Variants in COG5 observed in about 807,000 individuals in gnomAD.
The protein encoded by COG5 is component of oligomeric golgi complex 5.
A neutral mutation model predicts 110.4 loss-of-function variants in COG5; 86 were observed. The observed-to-expected ratio is 0.78, with a 90% CI of 0.65 to 0.93. The LOEUF is 0.93. Among genes scored for constraint, COG5 ranks in the 40% least tolerant of loss-of-function variants. The pLI is 0.00. For missense variants in COG5, 1,077 were observed against 987.0 expected (o/e 1.09, Z -1.22); for synonymous variants, 360 against 334.6 (o/e 1.08, Z -0.83).
intron 2 of COG5, 54 bp from the exon 3 acceptor site, chr7:107,554,396 TAACC>T: frequency 6.8e-7 from 1 of 1,468,328 alleles, no homozygotes; most frequent in Non-Finnish European, 9.5e-7. Flanking sequence ...TTCTTCCTTG[TAACC>T]ACAATGTAGA....
chr7:107,314,573 T>C (rs1263309192), intron 11 of COG5, among the ~76,000 whole-genome samples: 2 of 130,138 alleles, frequency 1.5e-5, no homozygotes, highest in South Asian at 2.5e-4. Flanking sequence ...TGAAACCCCA[T>C]CTCTACTACA....
In COG5 at chr7:107,201,603, A is replaced by G; in HGVS notation, c.*1913T>C. The G allele has an allele frequency of 2.2e-6, 1 of 451,698 alleles. No homozygotes were observed. Among genetic ancestry groups the G allele is most frequent in the Non-Finnish European group, 4.0e-6 (1 of 247,160 alleles). 28.0% of individuals were successfully genotyped at this position (451,698 alleles called of 1,614,324 possible). ...ATATGAGTGAGGATTTGCTTTCTCCATTAGAGCATTAAGCTAAAACTATCA... is the reference window on the plus strand; with the variant it reads ...ATATGAGTGAGGATTTGCTTTCTCCGTTAGAGCATTAAGCTAAAACTATCA... On this transcript the variant is annotated 3_prime_UTR_variant, in exon 22 of 22. Transcript: ENST00000297135.
At chr7:107,287,710 G>C (rs1223918474) in intron 12 of COG5, among the ~76,000 whole-genome samples, 1 of 151,980 alleles carries the variant, frequency 6.6e-6, no homozygotes, top group Non-Finnish European at 1.5e-5. Flanking sequence ...TGCTATTCTG[G>C]ATTTGCATAT....
intron 6 of COG5, among the ~76,000 whole-genome samples, chr7:107,523,575 G>A (rs1175517604): frequency 1.3e-5 from 2 of 152,070 alleles, no homozygotes; most frequent in African/African-American, 4.8e-5. Flanking sequence ...AGCACTTTGG[G>A]AGGCCGAGAA....
At chr7:107,512,459 T>C (rs1034193376) in intron 6 of COG5, among the ~76,000 whole-genome samples, 31 of 152,164 alleles carry the variant, frequency 2.0e-4, no homozygotes, top group Non-Finnish European at 4.4e-4. Flanking sequence ...ATCGTGAAAA[T>C]GGCCATACTG....
At chr7:107,214,005 A>G (rs1562914748) in intron 19 of COG5, among the ~76,000 whole-genome samples, 1 of 152,214 alleles carries the variant, frequency 6.6e-6, no homozygotes, top group Non-Finnish European at 1.5e-5. Context: ...GAATATAAAA[A>G]TAAAAAGTTA....
chr7:107,289,473 A>C (rs1246730620), intron 12 of COG5, among the ~76,000 whole-genome samples: 1 of 151,936 alleles, frequency 6.6e-6, no homozygotes, highest in Non-Finnish European at 1.5e-5. Flanking sequence ...TGTTTTAACT[A>C]TTCTGGGTCC....
chr7:107,307,690 A>G (rs1195323950), intron 11 of COG5, among the ~76,000 whole-genome samples: 4 of 152,170 alleles, frequency 2.6e-5, no homozygotes, highest in Non-Finnish European at 4.4e-5. Context: ...GTTCTCACTT[A>G]TAAGTGGGAG....
At chr7:107,304,970 C>A (rs1003224478) in intron 11 of COG5, among the ~76,000 whole-genome samples, 1 of 152,032 alleles carries the variant, frequency 6.6e-6, no homozygotes, top group African/African-American at 2.4e-5. Flanking sequence ...AGATTATACT[C>A]GAGTGAAGAA....
intron 14 of COG5, among the ~76,000 whole-genome samples, chr7:107,268,227 C>G (rs1366018973): frequency 6.6e-6 from 1 of 152,158 alleles, no homozygotes; most frequent in Non-Finnish European, 1.5e-5. Flanking sequence ...CTCGGCCTCC[C>G]AAAGTGCAGG....
chr7:107,370,200 T>C (rs1218395542), intron 8 of COG5, among the ~76,000 whole-genome samples: 1 of 152,180 alleles, frequency 6.6e-6, no homozygotes. Context: ...CAATCTCCTG[T>C]GTAGTGGTTG....
At chr7:107,403,220 A>G (rs1791566716) in intron 7 of COG5, among the ~76,000 whole-genome samples, 1 of 152,138 alleles carries the variant, frequency 6.6e-6, no homozygotes, top group Non-Finnish European at 1.5e-5. Context: ...AGGAATAGCT[A>G]TTATATTAGT....
chr7:107,429,810 T>G (rs1793894333), intron 6 of COG5, among the ~76,000 whole-genome samples: 2 of 152,218 alleles, frequency 1.3e-5, no homozygotes, highest in African/African-American at 2.4e-5. Context: ...TCTGCTGCCA[T>G]GTGAGACGTG....
At chr7:107,458,388 T>C (rs1244463041) in intron 6 of COG5, among the ~76,000 whole-genome samples, 1 of 152,134 alleles carries the variant, frequency 6.6e-6, no homozygotes, top group Non-Finnish European at 1.5e-5. Flanking sequence ...ATAGTGACAC[T>C]GTACTATGAA....
chr7:107,298,568 A>G (rs1163694584), intron 11 of COG5, among the ~76,000 whole-genome samples: 1 of 152,188 alleles, frequency 6.6e-6, no homozygotes, highest in Non-Finnish European at 1.5e-5. Context: ...CTATATTTAA[A>G]AAAAATAGAA....
At chr7:107,523,022 A>C (rs1033085509) in intron 6 of COG5, among the ~76,000 whole-genome samples, 5 of 152,164 alleles carry the variant, frequency 3.3e-5, no homozygotes, top group Non-Finnish European at 7.3e-5. Context: ...TATGAATTTT[A>C]AAATCAGCTT....
intron 7 of COG5, among the ~76,000 whole-genome samples, chr7:107,392,667 T>C (rs963868620): frequency 3.6e-5 from 5 of 139,834 alleles, no homozygotes; most frequent in African/African-American, 1.1e-4. Flanking sequence ...GGAAAGAATA[T>C]TGAAATACCA....
chr7:107,301,680 C>T lies in COG5; in HGVS notation c.1109-3334G>A, dbSNP rs143082355. Among the ~76,000 whole-genome samples, 1,086 of 152,100 alleles carry T rather than the reference C, an allele frequency of 7.1e-3. 36 individuals are homozygous for T. In the East Asian group the frequency reaches 0.074, roughly 10 times the overall value. ...GGTCGGGAGTTTGAGACTAGCCTGG[C>T]CAACATGGTGAAACTCCATCTCTAC... On this transcript the variant is annotated intron_variant, in intron 11 of 21. Transcript: ENST00000297135.
intron 19 of COG5, among the ~76,000 whole-genome samples, chr7:107,227,562 T>A (rs1166244391): frequency 6.6e-6 from 1 of 152,210 alleles, no homozygotes. Flanking sequence ...AAAATTTCCA[T>A]CTTAAATGGC....
Sources: allele counts gnomAD v4.1 joint callset (sites outside exome capture counted in the v4.1 genomes callset), GRCh38; gene constraint gnomAD v4.1.1; transcripts MANE v1.5; gene names NCBI Gene and HGNC (gene_info 2026-07-23, HGNC 2026-07-21).